Variants in RBM19 observed in about 807,000 individuals in gnomAD.
RBM19 encodes probable RNA-binding protein 19.
A neutral mutation model predicts 116.8 loss-of-function variants in RBM19; 94 were observed. The ratio of observed to expected loss-of-function variants is 0.80; its 90% CI spans 0.68 to 0.95. The LOEUF (loss-of-function observed/expected upper bound fraction) is 0.95, where lower values mean the gene tolerates loss of function less well. RBM19 is among the 40% of genes least tolerant of loss of function. The probability of loss-of-function intolerance (pLI) is 0.00; values close to 1 mark genes in which losing one functional copy is unlikely to be tolerated. For synonymous variants in RBM19, 475 were observed against 494.1 expected, an observed-to-expected ratio of 0.96 and a Z score of 0.51; for missense variants, 1,161 against 1,220.7, an observed-to-expected ratio of 0.95 and a Z score of 0.73.
At position 113,931,760 on chromosome 12, in the gene RBM19, T is replaced by C. The variant is rs1229393558; in HGVS notation, c.2069-4531A>G. Among the ~76,000 whole-genome samples, 3 of 152,184 alleles carry C rather than the reference T, an allele frequency of 2.0e-5. No individual in the cohort carries two copies. In the East Asian group the frequency reaches 5.8e-4, roughly 29 times the overall value. On this transcript the variant is annotated intron_variant, in intron 16 of 23. Transcript: ENST00000261741. ...TGCTGGTCTGCTGCTTTCCCAGGCCTGGCTCCTTCTCACACAGCCTCCCCA... is the reference window on the plus strand; with the variant it reads ...TGCTGGTCTGCTGCTTTCCCAGGCCCGGCTCCTTCTCACACAGCCTCCCCA...
intron 22 of RBM19, among the ~76,000 whole-genome samples, chr12:113,845,019 G>A (rs905937486): frequency 2.0e-5 from 3 of 152,192 alleles, no homozygotes; most frequent in Non-Finnish European, 2.9e-5. Flanking sequence ...TATATCTGCC[G>A]TCTGGGCTGT....
downstream of RBM19, among the ~76,000 whole-genome samples, chr12:113,820,771 G>A (rs113696022): frequency 3.8e-4 from 58 of 152,266 alleles, 1 homozygote; most frequent in African/African-American, 1.4e-3. Flanking sequence ...GGGGTGCAGG[G>A]GCCAGGCTCA....
At chr12:113,821,216 C>T (rs1056809086), downstream of RBM19, among the ~76,000 whole-genome samples, 2 of 152,164 alleles carry the variant, frequency 1.3e-5, no homozygotes, top group African/African-American at 2.4e-5. Context: ...ATGCTGAATC[C>T]TGCTCTGGGG....
At chr12:113,961,993 T>C (rs1327947229) in intron 2 of RBM19, among the ~76,000 whole-genome samples, 1 of 152,244 alleles carries the variant, frequency 6.6e-6, no homozygotes, top group Non-Finnish European at 1.5e-5. Context: ...GTTGGATGTG[T>C]GAATTCTTGG....
chr12:113,962,831 C>T (rs1164102376), intron 1 of RBM19, among the ~76,000 whole-genome samples: 1 of 152,186 alleles, frequency 6.6e-6, no homozygotes, highest in East Asian at 1.9e-4. Context: ...ATGCCCACAT[C>T]CTAATCCCTG....
intron 2 of RBM19, among the ~76,000 whole-genome samples, chr12:113,961,711 C>A (rs1872517873): frequency 6.6e-6 from 1 of 152,214 alleles, no homozygotes; most frequent in South Asian, 2.1e-4. Context: ...CCTCCCTGGT[C>A]CGGCTATAGA....
At chr12:113,909,787 G>A (rs1220338217) in intron 21 of RBM19, among the ~76,000 whole-genome samples, 1 of 152,146 alleles carries the variant, frequency 6.6e-6, no homozygotes, top group African/African-American at 2.4e-5. Flanking sequence ...ACCCCAAACA[G>A]TGTTCCTGAC....
chr12:113,936,215 T>C (rs75478378), intron 16 of RBM19, among the ~76,000 whole-genome samples: 1,671 of 152,292 alleles, frequency 0.011, 14 homozygotes, highest in Non-Finnish European at 0.017. Context: ...GTTGCTGTAT[T>C]GTGGGTGTGT....
chr12:113,839,105 C>A (rs113196167), intron 23 of RBM19, among the ~76,000 whole-genome samples: 1 of 152,220 alleles, frequency 6.6e-6, no homozygotes, highest in Admixed American at 6.5e-5. Flanking sequence ...GCCTTCCTGG[C>A]AGAGTTCAGG....
intron 22 of RBM19, among the ~76,000 whole-genome samples, chr12:113,845,292 G>A (rs557404494): frequency 1.2e-4 from 18 of 152,118 alleles, no homozygotes; most frequent in East Asian, 7.7e-4. Flanking sequence ...AGTGCCCTTC[G>A]CTTCCTCGCT....
intron 15 of RBM19, 63 bp from the exon 16 acceptor site, chr12:113,937,199 C>T: frequency 1.9e-6 from 3 of 1,577,878 alleles, no homozygotes; most frequent in Non-Finnish European, 2.6e-6. Flanking sequence ...GGGAGGGACT[C>T]AGTCCCATGC....
intron 17 of RBM19, among the ~76,000 whole-genome samples, chr12:113,925,212 G>A (rs1868959338): frequency 6.6e-6 from 1 of 152,108 alleles, no homozygotes; most frequent in Non-Finnish European, 1.5e-5. Context: ...CAAAATCCAT[G>A]TTTACCTGGT....
chr12:113,823,513 G>C (rs567571460), intron 23 of RBM19, among the ~76,000 whole-genome samples, 192 bp from the exon 24 acceptor site: 1 of 152,084 alleles, frequency 6.6e-6, no homozygotes, highest in Non-Finnish European at 1.5e-5. Flanking sequence ...GATACAGAGG[G>C]AGGTGGAGAG....
intron 23 of RBM19, among the ~76,000 whole-genome samples, chr12:113,826,966 T>C (rs1020518082): frequency 6.6e-6 from 1 of 152,168 alleles, no homozygotes. Flanking sequence ...GCCTGGCATA[T>C]CTGCCAGGGT....
At chr12:113,854,722 C>T (rs905316911) in intron 22 of RBM19, among the ~76,000 whole-genome samples, 3 of 152,196 alleles carry the variant, frequency 2.0e-5, no homozygotes, top group African/African-American at 4.8e-5. Context: ...GACCCACCCC[C>T]GGTTCACTGG....
chr12:113,909,689 G>C (rs1297066749), intron 21 of RBM19, among the ~76,000 whole-genome samples: 9 of 152,046 alleles, frequency 5.9e-5, no homozygotes. Flanking sequence ...GGGGACTCTG[G>C]AGTACTGTGT....
chr12:113,955,007 C>G, intron 7 of RBM19, 124 bp downstream of exon 7: 2 of 929,590 alleles, frequency 2.2e-6, no homozygotes, highest in Non-Finnish European at 3.4e-6. Flanking sequence ...TTTTGGCCCC[C>G]AATTCCTTCC....
chr12:113,853,989 G>A (rs1344250530), intron 22 of RBM19, among the ~76,000 whole-genome samples: 1 of 152,118 alleles, frequency 6.6e-6, no homozygotes, highest in African/African-American at 2.4e-5. Flanking sequence ...GGGCATGGTA[G>A]GGAGAAGGGG....
intron 21 of RBM19, among the ~76,000 whole-genome samples, chr12:113,897,569 C>T (rs556615216): frequency 2.0e-5 from 3 of 151,260 alleles, no homozygotes; most frequent in South Asian, 2.1e-4. Context: ...CCCGGCTACT[C>T]GGGAGGCTGA....
Sources: gnomAD v4.1 joint callset for allele counts (sites outside exome capture counted in the v4.1 genomes callset) on GRCh38, gnomAD v4.1.1 for gene constraint, MANE v1.5 for transcripts, NCBI Gene and HGNC (gene_info 2026-07-23, HGNC 2026-07-21) for gene names.